Variants in INSL6 observed in about 807,000 individuals in gnomAD.
The protein encoded by INSL6 is insulin like 6.
In INSL6, 16 loss-of-function variants were observed where a neutral mutation model predicts 9.4. The observed-to-expected ratio is 1.70, with a 90% CI of 1.15 to 2.59. The LOEUF is 2.59. Among genes scored for constraint, INSL6 ranks in the 30% most tolerant of loss-of-function variants. The pLI, the probability that INSL6 is intolerant of heterozygous loss-of-function variation, is 0.00. For missense variants in INSL6, 391 were observed against 257.3 expected, an observed-to-expected ratio of 1.52 and a Z score of -3.56; for synonymous variants, 154 against 96.9, an observed-to-expected ratio of 1.59 and a Z score of -3.46.
the INSL6 span, among the ~76,000 whole-genome samples, chr9:5,075,624 C>T: frequency 6.6e-6 from 1 of 152,158 alleles, no homozygotes; most frequent in South Asian, 2.1e-4. Context: ...AAAAAGATTG[C>T]TTTCAAAGTA....
the INSL6 span, chr9:5,114,207 T>C: frequency 4.0e-6 from 2 of 495,350 alleles, no homozygotes; most frequent in Non-Finnish European, 8.0e-6. Context: ...CCTGAGCCGG[T>C]CCAGCCCCTT....
chr9:5,022,194 T>G, the INSL6 span: 1 of 1,613,750 alleles, frequency 6.2e-7, no homozygotes, highest in Non-Finnish European at 8.5e-7. Context: ...AAATCTGTAT[T>G]GCTGCTTCTA....
chr9:5,153,088 G>A (rs1824743118), intron 2 of INSL6, among the ~76,000 whole-genome samples: 1 of 151,920 alleles, frequency 6.6e-6, no homozygotes, highest in African/African-American at 2.4e-5. Flanking sequence ...CAGGGCCCAG[G>A]GTTTCCAGCA....
At chr9:5,143,918 C>G (rs1000500260) in intron 2 of INSL6, among the ~76,000 whole-genome samples, 5 of 152,142 alleles carry the variant, frequency 3.3e-5, no homozygotes, top group Non-Finnish European at 5.9e-5. Flanking sequence ...CCTCAGCCTC[C>G]CAAAGTGCTG....
chr9:5,043,033 T>G, the INSL6 span, among the ~76,000 whole-genome samples: 1 of 152,174 alleles, frequency 6.6e-6, no homozygotes, highest in South Asian at 2.1e-4. Flanking sequence ...TGGGCCCTGC[T>G]GTGTGGAGGC....
chr9:5,093,424 ACATGAGGGTTCAGCTGT>A, the INSL6 span, among the ~76,000 whole-genome samples: 25 of 152,290 alleles, frequency 1.6e-4, 2 homozygotes, highest in African/African-American at 5.3e-4. Context: ...AAGAATGGCC[ACATGAGGGTTCAGCTGT>A]CATGAGGGTT....
chr9:5,137,764 T>C (rs960653581), intron 2 of INSL6, among the ~76,000 whole-genome samples: 2 of 152,308 alleles, frequency 1.3e-5, no homozygotes, highest in East Asian at 3.9e-4. Context: ...AAAGAGCTTC[T>C]GTACAGCAAA....
At chr9:5,143,842 T>C (rs1305242750) in intron 2 of INSL6, among the ~76,000 whole-genome samples, 1 of 151,816 alleles carries the variant, frequency 6.6e-6, no homozygotes, top group Non-Finnish European at 1.5e-5. Flanking sequence ...GTATTTGTAG[T>C]AGAGACAGGG....
At chr9:5,019,331 G>A in the INSL6 span, among the ~76,000 whole-genome samples, 10 of 152,010 alleles carry the variant, frequency 6.6e-5, no homozygotes, top group Admixed American at 1.3e-4. Context: ...GCTCTAGAAT[G>A]TATTTTTTAT....
chr9:4,999,582 C>T, the INSL6 span, among the ~76,000 whole-genome samples: 1 of 152,098 alleles, frequency 6.6e-6, no homozygotes, highest in Non-Finnish European at 1.5e-5. Flanking sequence ...ATCACAAGGT[C>T]CCACAATAGG....
chr9:5,086,603 A>T, the INSL6 span, among the ~76,000 whole-genome samples: 1 of 152,232 alleles, frequency 6.6e-6, no homozygotes, highest in South Asian at 2.1e-4. Flanking sequence ...TAAAAAAAAA[A>T]TTCCTTGGCT....
the INSL6 span, among the ~76,000 whole-genome samples, chr9:5,075,192 A>G: frequency 6.6e-6 from 1 of 152,190 alleles, no homozygotes; most frequent in Non-Finnish European, 1.5e-5. Context: ...TGCACAGCAT[A>G]AGTGCAAGGT....
chr9:5,155,588 C>G (rs1051229008), intron 2 of INSL6, among the ~76,000 whole-genome samples: 37 of 150,224 alleles, frequency 2.5e-4, no homozygotes, highest in African/African-American at 8.8e-4. Flanking sequence ...ACTATGCAGC[C>G]ATAAAAAAGG....
chr9:5,114,400 C>T, the INSL6 span: 13 of 511,774 alleles, frequency 2.5e-5, no homozygotes, highest in Non-Finnish European at 5.0e-5. Context: ...CTGGTGGGCA[C>T]CAGAGACTGG....
At chr9:5,056,069 A>G in the INSL6 span, among the ~76,000 whole-genome samples, 1 of 151,992 alleles carries the variant, frequency 6.6e-6, no homozygotes, top group African/African-American at 2.4e-5. Flanking sequence ...CCTACTCTAG[A>G]TTATACTAGT....
chr9:5,069,574 C>G, the INSL6 span, among the ~76,000 whole-genome samples: 2 of 151,922 alleles, frequency 1.3e-5, no homozygotes, highest in African/African-American at 4.8e-5. Context: ...GTTGGAAATT[C>G]CTTGAAATAA....
chr9:5,163,812 A>C, downstream of INSL6: 1 of 760,206 alleles, frequency 1.3e-6, no homozygotes, highest in Non-Finnish European at 2.2e-6. Context: ...GTACATTCAG[A>C]CATTTTTCAC....
chr9:5,112,625 C>G, the INSL6 span: 3 of 981,904 alleles, frequency 3.1e-6, no homozygotes, highest in Non-Finnish European at 4.4e-6. Flanking sequence ...GCAACTGCAC[C>G]TCAACAGCGA....
chr9:5,080,599 A>C, the INSL6 span: 1 of 1,608,630 alleles, frequency 6.2e-7, no homozygotes, highest in Non-Finnish European at 8.5e-7. Context: ...AGCAAACCTT[A>C]TAAATAATTG....
Sources: gnomAD v4.1 joint callset for allele counts (sites outside exome capture counted in the v4.1 genomes callset) on GRCh38, gnomAD v4.1.1 for gene constraint, MANE v1.5 for transcripts, NCBI Gene and HGNC (gene_info 2026-07-23, HGNC 2026-07-21) for gene names.